Variants in RIPOR2 observed in about 807,000 individuals in gnomAD.
The protein encoded by RIPOR2 is RHO family interacting cell polarization regulator 2.
A neutral mutation model predicts 114.5 loss-of-function variants in RIPOR2; 39 were observed. The observed-to-expected ratio is 0.34, with a 90% confidence interval of 0.26 to 0.44. RIPOR2 has a LOEUF of 0.44. RIPOR2 is among the 20% of genes least tolerant of loss of function. RIPOR2 has a pLI of 1.00. For missense variants in RIPOR2, 1,007 were observed against 1,255.1 expected, an observed-to-expected ratio of 0.80 and a Z score of 2.99; for synonymous variants, 445 against 484.4, an observed-to-expected ratio of 0.92 and a Z score of 1.07.
intron 6 of RIPOR2, among the ~76,000 whole-genome samples, chr6:24,866,517 AAT>A (rs1491538307): frequency 2.1e-4 from 21 of 102,374 alleles, no homozygotes; most frequent in African/African-American, 4.5e-4. Context: ...TAGGGTTGAA[AAT>A]TTTTTTTTTT....
chr6:24,820,749 T>C (rs189423101), intron 19 of RIPOR2, among the ~76,000 whole-genome samples: 152 of 152,306 alleles, frequency 1.0e-3, no homozygotes, highest in African/African-American at 3.6e-3. Context: ...CTAGACCACA[T>C]TTTATTTATT....
chr6:24,875,681 C>T lies in RIPOR2; in HGVS notation c.188+10G>A. The T allele has an allele frequency of 6.2e-7, 1 of 1,610,546 alleles. No homozygotes were observed. The highest frequency in any genetic ancestry group is 2.2e-5 in the East Asian group (1 of 44,788). Reference sequence around the variant, plus strand: ...AGCTGCATCCCGGGAGAGAACCACACAGTACTTGCCTGGATCGCCTTTCCT... The same window carrying T: ...AGCTGCATCCCGGGAGAGAACCACATAGTACTTGCCTGGATCGCCTTTCCT... On this transcript the variant is annotated intron_variant, in intron 2 of 21. Transcript: ENST00000643898.
intron 6 of RIPOR2, among the ~76,000 whole-genome samples, chr6:24,866,372 A>G (rs1012325312): frequency 7.2e-5 from 11 of 152,160 alleles, no homozygotes; most frequent in African/African-American, 2.7e-4. Flanking sequence ...GTGATTCTCA[A>G]TCAACCCAAG....
At chr6:24,928,818 T>G (rs1771160908) in intron 1 of RIPOR2, among the ~76,000 whole-genome samples, 1 of 152,246 alleles carries the variant, frequency 6.6e-6, no homozygotes, top group Admixed American at 6.5e-5. Context: ...CTTCTCTGTT[T>G]AGAGGTTCTC....
intron 1 of RIPOR2, among the ~76,000 whole-genome samples, chr6:25,005,740 T>C (rs111426764): frequency 0.074 from 7,706 of 104,326 alleles, 917 homozygotes; most frequent in East Asian, 0.3. Context: ...TATATATATA[T>C]ACATTTACCG....
At chr6:24,985,995 T>C (rs1404436499) in intron 1 of RIPOR2, among the ~76,000 whole-genome samples, 2 of 152,126 alleles carry the variant, frequency 1.3e-5, no homozygotes, top group African/African-American at 4.8e-5. Flanking sequence ...GAACAGAGAA[T>C]GGGAAAAGTC....
intron 1 of RIPOR2, among the ~76,000 whole-genome samples, chr6:25,005,740 T>TATATATATACATAC (rs1491374316): frequency 1.9e-5 from 2 of 104,510 alleles, no homozygotes; most frequent in South Asian, 3.7e-4. Context: ...TATATATATA[T>TATATATATACATAC]ACATTTACCG....
chr6:24,847,194 C>T (rs1181022300), intron 12 of RIPOR2, among the ~76,000 whole-genome samples: 1 of 152,188 alleles, frequency 6.6e-6, no homozygotes, highest in African/African-American at 2.4e-5. Context: ...CTCAAGCGAT[C>T]CACCCACCTC....
At chr6:24,895,589 C>A (rs1366948952) in intron 1 of RIPOR2, among the ~76,000 whole-genome samples, 2 of 152,102 alleles carry the variant, frequency 1.3e-5, no homozygotes, top group Non-Finnish European at 2.9e-5. Flanking sequence ...CTTCACTGCA[C>A]AAAATATTTG....
intron 1 of RIPOR2, among the ~76,000 whole-genome samples, chr6:25,002,812 C>T (rs9356952): frequency 0.54 from 82,269 of 152,098 alleles, 22,892 homozygotes; most frequent in East Asian, 0.76. Flanking sequence ...GGTGAATGAA[C>T]GTCATGGTGA....
At chr6:25,018,008 T>C (rs1238807968) in intron 1 of RIPOR2, among the ~76,000 whole-genome samples, 1 of 152,220 alleles carries the variant, frequency 6.6e-6, no homozygotes, top group Non-Finnish European at 1.5e-5. Flanking sequence ...AGGATGAACA[T>C]AGAAATACAA....
At chr6:24,980,304 G>T (rs1774233520) in intron 1 of RIPOR2, among the ~76,000 whole-genome samples, 1 of 152,184 alleles carries the variant, frequency 6.6e-6, no homozygotes, top group Admixed American at 6.5e-5. Flanking sequence ...CTACTGAAGT[G>T]ATATGAGTTG....
intron 13 of RIPOR2, 71 bp from the exon 14 acceptor site, chr6:24,839,343 A>T: frequency 6.8e-7 from 1 of 1,469,816 alleles, no homozygotes; most frequent in East Asian, 2.5e-5. Context: ...ACGATGCTCA[A>T]TTGGAGATGC....
intron 1 of RIPOR2, among the ~76,000 whole-genome samples, chr6:24,927,373 A>G (rs1561783301): frequency 7.3e-6 from 1 of 137,804 alleles, no homozygotes; most frequent in Non-Finnish European, 1.6e-5. Context: ...CATCATCATC[A>G]CCTCACCACC....
rs73398494 is a variant in RIPOR2 at position 24,873,621 on chromosome 6, C to T, written c.344+23G>A. ...ACCCCTTGGGTCTTTCCTTAAAGTA[C>T]ATTATCAGGTTCAAGTTCTTACTCA... On this transcript the variant is annotated intron_variant, in intron 3 of 21. Coordinates refer to ENST00000643898, the MANE Select transcript of RIPOR2 (RefSeq NM_001286445.3). The T allele has an allele frequency of 6.4e-3, 10,306 of 1,605,956 alleles. 324 individuals carry two copies. In the African/African-American group the frequency reaches 0.089, roughly 14 times the overall value.
chr6:24,948,090 C>T (rs1054610957), intron 1 of RIPOR2: 32 of 152,194 alleles, frequency 2.1e-4, no homozygotes, highest in African/African-American at 7.7e-4. Flanking sequence ...TTTAATTGCC[C>T]TCCTATCCTT....
At chr6:24,818,771 G>A in intron 19 of RIPOR2, 146 bp from the exon 20 acceptor site, 1 of 447,072 alleles carries the variant, frequency 2.2e-6, no homozygotes, top group African/African-American at 2.0e-5. Context: ...AAAAGCCATT[G>A]AAATTCATAT....
At position 25,037,098 on chromosome 6, in the gene RIPOR2, A is replaced by G. The variant is rs1777286376; in HGVS notation, c.76+4753T>C. On this transcript the variant is annotated intron_variant, in intron 1 of 13. Coordinates refer to the RIPOR2 transcript ENST00000510784. This position sits in a 1 kb window ranked among gnomAD's most constrained non-coding sequence, Gnocchi z 4.5. ...CCAGGAACTGTGCTAGGCACTTGACATATTTTATGTCTTTTAATCCCCTCC... is the reference window on the plus strand; with the variant it reads ...CCAGGAACTGTGCTAGGCACTTGACGTATTTTATGTCTTTTAATCCCCTCC... Among the ~76,000 whole-genome samples, 1 of 152,152 alleles carries G rather than the reference A, an allele frequency of 6.6e-6. No individual in the cohort carries two copies. Among genetic ancestry groups the G allele is most frequent in the South Asian group, 2.1e-4 (1 of 4,828 alleles).
At chr6:24,845,968 G>A (rs1762225482) in intron 12 of RIPOR2, among the ~76,000 whole-genome samples, 1 of 152,174 alleles carries the variant, frequency 6.6e-6, no homozygotes, top group Admixed American at 6.5e-5. Flanking sequence ...AACGTGGGAT[G>A]GGCTTGTGGT....
Sources: allele counts gnomAD v4.1 joint callset (sites outside exome capture counted in the v4.1 genomes callset), GRCh38; gene constraint gnomAD v4.1.1; non-coding constraint Gnocchi (gnomAD v3.1); transcripts MANE v1.5; gene names NCBI Gene and HGNC (gene_info 2026-07-23, HGNC 2026-07-21).